Variants in ZCCHC4 observed in about 807,000 individuals in gnomAD.
The protein encoded by ZCCHC4 is rRNA N(6)-adenosine-methyltransferase ZCCHC4.
Under a neutral mutation model 67.7 loss-of-function variants are expected in ZCCHC4, and 54 were observed. The ratio of observed to expected loss-of-function variants is 0.80; its 90% CI spans 0.64 to 1.00. ZCCHC4 has a LOEUF of 1.00. Ranked by LOEUF, ZCCHC4 falls within the 50% of genes least tolerant of loss-of-function variation. The probability of loss-of-function intolerance (pLI) is 0.00; values close to 1 mark genes in which losing one functional copy is unlikely to be tolerated. For synonymous variants in ZCCHC4, 198 were observed against 213.5 expected (o/e 0.93, Z 0.63); for missense variants, 609 against 617.0 (o/e 0.99, Z 0.14).
chr4:25,350,552 C>T (rs1301670706), intron 7 of ZCCHC4, among the ~76,000 whole-genome samples: 1 of 151,940 alleles, frequency 6.6e-6, no homozygotes, highest in African/African-American at 2.4e-5. Flanking sequence ...ACAGGCGTGA[C>T]TTAGGACTTC....
intron 3 of ZCCHC4, among the ~76,000 whole-genome samples, chr4:25,332,259 G>A (rs1342447861): frequency 1.5e-5 from 2 of 136,278 alleles, no homozygotes; most frequent in African/African-American, 5.6e-5. Context: ...AGTGAGCCAA[G>A]ATTGCGCCAC....
intron 5 of ZCCHC4, among the ~76,000 whole-genome samples, chr4:25,342,684 C>A (rs1472609761): frequency 1.3e-5 from 2 of 152,092 alleles, no homozygotes; most frequent in Non-Finnish European, 2.9e-5. Context: ...GAGCATTTTT[C>A]AAGTGCATGC....
chr4:25,333,205 C>G lies in ZCCHC4; in HGVS notation c.352C>G (p.Pro118Ala), dbSNP rs752346940. ...AAGGTACTTGAAGTTTATTGAGTTG[C>G]CCTTGACTCAGAGAAAGTTTTGTCA... is the stretch of plus-strand genomic sequence containing the variant. ...VERYLKFIEL[P>A]LTQRKFCQTC... is the part of the protein sequence containing the mutation. Residue 118 changes from proline to alanine, a missense_variant, in exon 4 of 13, where the codon CCC (proline) becomes GCC (alanine). By Grantham distance (27) the Pro-to-Ala change is conservative. Transcript: ENST00000302874. 5.0e-6 allele frequency: 8 copies of G among 1,613,830 alleles called. No homozygotes were observed. The highest frequency in any genetic ancestry group is 2.2e-5 in the East Asian group (1 of 44,872).
chr4:25,344,037 CA>C (rs1719876036), intron 5 of ZCCHC4, among the ~76,000 whole-genome samples: 1 of 152,076 alleles, frequency 6.6e-6, no homozygotes, highest in African/African-American at 2.4e-5. Flanking sequence ...GAGAAATCAG[CA>C]ACGCAGACAT....
chr4:25,317,225 A>C (rs1718306609), intron 3 of ZCCHC4, among the ~76,000 whole-genome samples: 1 of 152,142 alleles, frequency 6.6e-6, no homozygotes, highest in Non-Finnish European at 1.5e-5. Flanking sequence ...TAGACTAAGC[A>C]CAGAGGAGTA....
At chr4:25,318,297 A>G (rs921147429) in intron 3 of ZCCHC4, among the ~76,000 whole-genome samples, 1 of 150,972 alleles carries the variant, frequency 6.6e-6, no homozygotes, top group African/African-American at 2.4e-5. Context: ...ATGCATAGTA[A>G]AATTTTAGTT....
chr4:25,319,114 TG>T (rs1718435810), intron 3 of ZCCHC4, among the ~76,000 whole-genome samples: 2 of 152,196 alleles, frequency 1.3e-5, no homozygotes, highest in African/African-American at 4.8e-5. Flanking sequence ...CCGGGTGCGG[TG>T]GCTCACGCCT....
intron 11 of ZCCHC4, 58 bp downstream of exon 11, chr4:25,364,563 A>T: frequency 7.3e-7 from 1 of 1,365,544 alleles, no homozygotes; most frequent in East Asian, 2.4e-5. Flanking sequence ...GTTTTTCTCC[A>T]TCTAAATAGA....
rs987398756 is a variant in ZCCHC4, at chr4:25,369,926, C to T, written c.*762C>T. The T allele has an allele frequency of 1.3e-5, 2 of 152,026 alleles. No homozygotes were observed. Among genetic ancestry groups the T allele is most frequent in the African/African-American group, 4.8e-5 (2 of 41,380 alleles). 9.4% of individuals were successfully genotyped at this position (152,026 alleles called of 1,614,324 possible). A position where few individuals can be genotyped will look rare whatever the true frequency, so the allele number is the denominator to read the frequency against. On this transcript the variant is annotated 3_prime_UTR_variant, in exon 13 of 13. Coordinates refer to ENST00000302874, the MANE Select transcript of ZCCHC4 (RefSeq NM_024936.3). ...TTTAAACCCCACTTGAAAAGTATAG[C>T]GTACAATTATTTTTAGACTGAATTT...
chr4:25,362,206 TTC>T lies in ZCCHC4; in HGVS notation c.1134-16_1134-15del. 1 of 1,594,480 alleles carries T rather than the reference TTC, an allele frequency of 6.3e-7. No individual in the cohort carries two copies. Among genetic ancestry groups the T allele is most frequent in the Non-Finnish European group, 8.6e-7 (1 of 1,167,942 alleles). The stretch of plus-strand genomic sequence containing the variant: ...ATCTCAATAAATGTATGCAGCTGAT[TTC>T]TCTGTCCTTTACTCTAGATTTTGCT... On this transcript the variant is annotated intron_variant, in intron 9 of 12. Coordinates refer to ENST00000302874, the MANE Select transcript of ZCCHC4 (RefSeq NM_024936.3).
chr4:25,369,711 G>A lies in ZCCHC4; in HGVS notation c.*547G>A, dbSNP rs1333648505. On this transcript the variant is annotated 3_prime_UTR_variant, in exon 13 of 13. Transcript: ENST00000302874. ...GGCCTCCCAAAGTGCTGGGATTACA[G>A]GCATGAGCCACCTCACCCAGCTCCG... 1 of 152,616 alleles carries A rather than the reference G, an allele frequency of 6.6e-6. No individual in the cohort carries two copies. The highest frequency in any genetic ancestry group is 6.5e-5 in the Admixed American group (1 of 15,284). 9.5% of individuals were successfully genotyped at this position (152,616 alleles called of 1,614,324 possible).
intron 3 of ZCCHC4, among the ~76,000 whole-genome samples, chr4:25,324,871 G>T (rs980753111): frequency 6.6e-6 from 1 of 152,064 alleles, no homozygotes; most frequent in Non-Finnish European, 1.5e-5. Flanking sequence ...TGCTATTTTT[G>T]AATTGGGCTA....
intron 3 of ZCCHC4, among the ~76,000 whole-genome samples, chr4:25,320,553 C>T (rs1410648172): frequency 1.3e-5 from 2 of 152,194 alleles, no homozygotes; most frequent in East Asian, 3.9e-4. Flanking sequence ...GAATTTCTCT[C>T]CCCCTGGGGA....
chr4:25,316,819 T>G (rs956454797), intron 3 of ZCCHC4, among the ~76,000 whole-genome samples: 1 of 152,222 alleles, frequency 6.6e-6, no homozygotes, highest in African/African-American at 2.4e-5. Flanking sequence ...TTTGATGAAG[T>G]TCAATTTATC....
chr4:25,329,766 C>T (rs1719086125), intron 3 of ZCCHC4, among the ~76,000 whole-genome samples: 1 of 151,970 alleles, frequency 6.6e-6, no homozygotes, highest in African/African-American at 2.4e-5. Context: ...ATCTCTTGAC[C>T]TCATGATCTG....
At chr4:25,320,678 G>A (rs879479706) in intron 3 of ZCCHC4, among the ~76,000 whole-genome samples, 4 of 152,142 alleles carry the variant, frequency 2.6e-5, no homozygotes, top group Non-Finnish European at 5.9e-5. Flanking sequence ...TAAATTTAAG[G>A]CATAATAGTT....
Position 25,361,965 on chromosome 4 carries a change from C to T in ZCCHC4, c.1118C>T (p.Thr373Ile). ...NIPPNKIILPTEEGYRFCSPC... is the reference protein window; with the variant it reads ...NIPPNKIILPIEEGYRFCSPC... The stretch of plus-strand genomic sequence containing the variant: ...CCGCCCAACAAAATAATCCTTCCTA[C>T]TGAAGAAGGGTACAGGTAAGATCAC... The change falls in exon 9 of 13, where the codon ACT (threonine) becomes ATT (isoleucine). Residue 373 changes from threonine (T) to isoleucine (I), a missense_variant. By Grantham distance (89) the Thr-to-Ile change is moderately conservative. Transcript: ENST00000302874. 1.2e-6 allele frequency: 2 copies of T among 1,613,944 alleles called. No homozygotes were observed. The highest frequency in any genetic ancestry group is 1.7e-6 in the Non-Finnish European group (2 of 1,179,954).
intron 7 of ZCCHC4, 149 bp from the exon 8 acceptor site, chr4:25,351,440 A>G (rs1720292539): frequency 3.4e-6 from 2 of 594,368 alleles, no homozygotes; most frequent in East Asian, 2.8e-5. Context: ...CAGGTTTGAA[A>G]TGGCACTCTG....
intron 5 of ZCCHC4, among the ~76,000 whole-genome samples, chr4:25,335,970 G>T (rs190331658): frequency 6.6e-6 from 1 of 152,176 alleles, no homozygotes; most frequent in East Asian, 1.9e-4. Flanking sequence ...AGTGACCCTT[G>T]ACAAATGATG....
Sources: gnomAD v4.1 joint callset for allele counts (sites outside exome capture counted in the v4.1 genomes callset) on GRCh38, gnomAD v4.1.1 for gene constraint, MANE v1.5 for transcripts, NCBI Gene and HGNC (gene_info 2026-07-23, HGNC 2026-07-21) for gene names.